MAGI2: variants seen among roughly 807,000 people sequenced by gnomAD.
MAGI2 encodes membrane-associated guanylate kinase, WW and PDZ domain-containing protein 2.
Under a neutral mutation model 133.3 loss-of-function variants are expected in MAGI2, and 35 were observed. That is an observed-to-expected ratio of 0.26 (90% CI 0.20 to 0.35). The LOEUF (loss-of-function observed/expected upper bound fraction) is 0.35. Ranked by LOEUF, MAGI2 falls within the 10% of genes least tolerant of loss-of-function variation. The probability of loss-of-function intolerance (pLI) is 1.00; values close to 1 mark genes in which losing one functional copy is unlikely to be tolerated. For missense variants in MAGI2, 1,636 were observed against 1,863.4 expected (o/e 0.88, Z 2.25); for synonymous variants, 729 against 710.6 (o/e 1.03, Z -0.41).
chr7:79,050,745 G>A (rs1812602510), intron 1 of MAGI2, among the ~76,000 whole-genome samples: 2 of 152,286 alleles, frequency 1.3e-5, no homozygotes, highest in Admixed American at 1.3e-4. Flanking sequence ...ACAATCAGAA[G>A]TTTGACTCAC....
intron 10 of MAGI2, among the ~76,000 whole-genome samples, chr7:78,227,271 A>C (rs1363252032): frequency 1.3e-5 from 2 of 152,236 alleles, no homozygotes; most frequent in Non-Finnish European, 2.9e-5. Context: ...AAACACCTAC[A>C]CTGGTCATCA....
intron 6 of MAGI2, among the ~76,000 whole-genome samples, chr7:78,444,628 G>A (rs1231838131): frequency 6.6e-6 from 1 of 151,948 alleles, no homozygotes; most frequent in Non-Finnish European, 1.5e-5. Context: ...AATGTTAAGT[G>A]AGGAATAAAA....
At chr7:78,534,461 G>A (rs549781480) in intron 3 of MAGI2, among the ~76,000 whole-genome samples, 2 of 152,284 alleles carry the variant, frequency 1.3e-5, no homozygotes, top group East Asian at 3.9e-4. Context: ...ATATGTGTGT[G>A]TTTGTATATA....
chr7:78,319,641 A>C (rs1029773199), intron 9 of MAGI2, among the ~76,000 whole-genome samples: 1 of 152,230 alleles, frequency 6.6e-6, no homozygotes, highest in Non-Finnish European at 1.5e-5. Flanking sequence ...TGTAGAGGGA[A>C]ATTTATAGCA....
At chr7:78,873,737 C>T (rs182295384) in intron 2 of MAGI2, among the ~76,000 whole-genome samples, 3 of 152,256 alleles carry the variant, frequency 2.0e-5, no homozygotes, top group Admixed American at 6.5e-5. Context: ...TTTCATGAAA[C>T]CTGTCCCTGG....
At chr7:79,329,955 G>T (rs1839945143) in intron 1 of MAGI2, among the ~76,000 whole-genome samples, 1 of 152,048 alleles carries the variant, frequency 6.6e-6, no homozygotes, top group African/African-American at 2.4e-5. Flanking sequence ...CTAAACTTAT[G>T]CAAAGACCTA....
Position 78,427,004 on chromosome 7 carries a change from T to TCAATGCTCTAACATTTTA in MAGI2, c.1046-57809_1046-57792dup, listed in dbSNP as rs1799343043. ...GGGTGGCAAGTAGAACTCTACTGTTTCAATGCTCTAACATTTTACATGAAA... is the reference window on the plus strand; with the variant it reads ...GGGTGGCAAGTAGAACTCTACTGTTTCAATGCTCTAACATTTTACAATGCTCTAACATTTTACATGAAA... On this transcript the variant is annotated intron_variant, in intron 6 of 21. Transcript: ENST00000354212. Among the ~76,000 whole-genome samples the TCAATGCTCTAACATTTTA allele has an allele frequency of 2.0e-5, 3 of 152,182 alleles. No homozygotes were observed. The South Asian group carries it at 6.2e-4, about 32-fold the overall frequency.
intron 2 of MAGI2, among the ~76,000 whole-genome samples, chr7:78,856,645 G>T (rs1793662523): frequency 6.6e-6 from 1 of 152,134 alleles, no homozygotes; most frequent in South Asian, 2.1e-4. Flanking sequence ...TGCTGTTTTG[G>T]TTACTGTAGC....
intron 20 of MAGI2, among the ~76,000 whole-genome samples, chr7:78,111,369 C>T (rs76588780): frequency 0.12 from 18,431 of 152,206 alleles, 1,294 homozygotes; most frequent in South Asian, 0.19. Flanking sequence ...TATTCAATTC[C>T]TTTCTATGTC....
chr7:78,252,892 G>C (rs1235051775), intron 10 of MAGI2: 2 of 138,740 alleles, frequency 1.4e-5, no homozygotes, highest in African/African-American at 5.5e-5. Flanking sequence ...AGTGAGCCAA[G>C]ATCGTGCCAC....
At chr7:78,392,015 A>G (rs749617028) in intron 6 of MAGI2, among the ~76,000 whole-genome samples, 1 of 152,198 alleles carries the variant, frequency 6.6e-6, no homozygotes, top group African/African-American at 2.4e-5. Flanking sequence ...CTGGCCAGAC[A>G]TCGGCTCAGC....
chr7:78,509,075 T>A (rs1346921719), intron 4 of MAGI2, among the ~76,000 whole-genome samples: 3 of 152,124 alleles, frequency 2.0e-5, no homozygotes, highest in Non-Finnish European at 4.4e-5. Context: ...TGACATTTTT[T>A]GTGCATTCCC....
intron 3 of MAGI2, among the ~76,000 whole-genome samples, chr7:78,576,798 T>G (rs1802312167): frequency 6.6e-6 from 1 of 152,184 alleles, no homozygotes; most frequent in South Asian, 2.1e-4. Context: ...TTCCATGTCA[T>G]GTAAAACTTT....
At chr7:79,363,673 G>A (rs1842506534) in intron 1 of MAGI2, among the ~76,000 whole-genome samples, 1 of 144,048 alleles carries the variant, frequency 6.9e-6, no homozygotes, top group African/African-American at 2.6e-5. Flanking sequence ...GACTCCAAAA[G>A]TACTGGCACA....
At chr7:79,325,734 G>A (rs948250404) in intron 1 of MAGI2, among the ~76,000 whole-genome samples, 3 of 152,110 alleles carry the variant, frequency 2.0e-5, no homozygotes, top group Non-Finnish European at 2.9e-5. Flanking sequence ...TTTTGGAACC[G>A]GTAGTTTATT....
chr7:78,223,430 A>T (rs1789034340), intron 10 of MAGI2, among the ~76,000 whole-genome samples: 1 of 152,170 alleles, frequency 6.6e-6, no homozygotes, highest in African/African-American at 2.4e-5. Flanking sequence ...TTATATTCTT[A>T]AAGTACTTGT....
chr7:79,053,644 A>T (rs1812881616), intron 1 of MAGI2, among the ~76,000 whole-genome samples: 1 of 152,206 alleles, frequency 6.6e-6, no homozygotes, highest in South Asian at 2.1e-4. Context: ...AAGCTCCCAC[A>T]CATGTAATGT....
At chr7:78,641,477 G>A (rs1407961575) in intron 2 of MAGI2, among the ~76,000 whole-genome samples, 1 of 152,158 alleles carries the variant, frequency 6.6e-6, no homozygotes, top group African/African-American at 2.4e-5. Context: ...ATATTTACAA[G>A]GTGGTGGACA....
chr7:78,946,882 T>C (rs2151692823), intron 2 of MAGI2: 1 of 152,116 alleles, frequency 6.6e-6, no homozygotes, highest in Admixed American at 6.6e-5. Flanking sequence ...TCTTTATTGA[T>C]TGAAGTGGGA....
Sources: allele counts gnomAD v4.1 joint callset (sites outside exome capture counted in the v4.1 genomes callset), GRCh38; gene constraint gnomAD v4.1.1; transcripts MANE v1.5; gene names NCBI Gene and HGNC (gene_info 2026-07-23, HGNC 2026-07-21).